KIF5C: variants seen among roughly 807,000 people sequenced by gnomAD.
The protein encoded by KIF5C is kinesin family member 5C, also known as kinesin heavy chain isoform 5C.
A neutral mutation model predicts 125.2 loss-of-function variants in KIF5C; 18 were observed. The observed-to-expected ratio is 0.14, with a 90% CI of 0.10 to 0.21. The LOEUF (loss-of-function observed/expected upper bound fraction) is 0.21. Ranked by LOEUF, KIF5C falls within the 10% of genes least tolerant of loss-of-function variation. The pLI is 1.00. For missense variants in KIF5C, 780 were observed against 1,183.8 expected (o/e 0.66, Z 5.01); for synonymous variants, 405 against 434.0 (o/e 0.93, Z 0.83).
At chr2:148,935,556 T>C (rs181066371) in intron 3 of KIF5C, among the ~76,000 whole-genome samples, 13 of 152,320 alleles carry the variant, frequency 8.5e-5, no homozygotes, top group African/African-American at 2.9e-4. Context: ...TGTTACACAT[T>C]TATGATGGAA....
At chr2:148,961,001 G>A (rs936384689) in intron 10 of KIF5C, among the ~76,000 whole-genome samples, 2 of 152,086 alleles carry the variant, frequency 1.3e-5, no homozygotes, top group African/African-American at 4.8e-5. Flanking sequence ...GGTATCACTT[G>A]GTGCAGCTAC....
intron 17 of KIF5C, 59 bp downstream of exon 17, chr2:148,994,597 G>A: frequency 6.6e-7 from 1 of 1,524,346 alleles, no homozygotes; most frequent in Non-Finnish European, 8.8e-7. Flanking sequence ...ACAGCCTCTG[G>A]TTGGCTGGAA....
At chr2:148,966,955 C>G (rs1233188284) in intron 11 of KIF5C, among the ~76,000 whole-genome samples, 2 of 152,182 alleles carry the variant, frequency 1.3e-5, no homozygotes, top group Non-Finnish European at 2.9e-5. Context: ...GTAATAAATT[C>G]TTTATAAGCC....
intron 1 of KIF5C, among the ~76,000 whole-genome samples, chr2:148,902,960 A>G (rs1680962755): frequency 6.6e-6 from 1 of 152,074 alleles, no homozygotes; most frequent in African/African-American, 2.4e-5. Context: ...TCTAATTCCT[A>G]AATTCAACAT....
chr2:148,915,551 T>A (rs1285338844), intron 1 of KIF5C, among the ~76,000 whole-genome samples: 1 of 152,134 alleles, frequency 6.6e-6, no homozygotes, highest in Non-Finnish European at 1.5e-5. Context: ...AGGATTTCAA[T>A]TTCCACTCAA....
At chr2:149,002,590 A>T (rs1156332386) in intron 21 of KIF5C, among the ~76,000 whole-genome samples, 1 of 151,920 alleles carries the variant, frequency 6.6e-6, no homozygotes, top group African/African-American at 2.4e-5. Context: ...CATTCACACA[A>T]TCACTCTCGT....
At chr2:148,933,659 A>G (rs1249342037) in intron 3 of KIF5C, among the ~76,000 whole-genome samples, 2 of 151,696 alleles carry the variant, frequency 1.3e-5, no homozygotes, top group East Asian at 3.9e-4. Flanking sequence ...TTGTACACAC[A>G]CACAGACATA....
At chr2:148,922,336 C>A in intron 2 of KIF5C, 109 bp downstream of exon 2, 1 of 626,636 alleles carries the variant, frequency 1.6e-6, no homozygotes, top group Non-Finnish European at 2.7e-6. Flanking sequence ...CAGAGGCCTG[C>A]TAATTGGAAA....
chr2:148,984,230 A>G (rs1681315730), intron 15 of KIF5C, among the ~76,000 whole-genome samples: 3 of 152,246 alleles, frequency 2.0e-5, no homozygotes, highest in South Asian at 4.1e-4. Context: ...ATTATTCACA[A>G]TATGAGAAGT....
chr2:149,025,328 TTCTAA>T lies in KIF5C; in HGVS notation c.*2265_*2269del, dbSNP rs1682658185. 6.5e-6 allele frequency: 1 copy of T among 152,684 alleles called. No individual in the cohort carries two copies. The highest frequency in any genetic ancestry group is 1.5e-5 in the Non-Finnish European group (1 of 68,034). The allele number at this position is 152,684 out of a possible 1,614,324, so 9.5% of individuals were successfully genotyped here. On this transcript the variant is annotated 3_prime_UTR_variant, in exon 26 of 26. Transcript: ENST00000435030. ...CACCTAGCTTCAATCTTTATAGGAC[TTCTAA>T]TCTAATTTTCCTATAGTGTGACTAA... is the stretch of plus-strand genomic sequence containing the variant.
chr2:149,010,363 C>T lies in KIF5C; in HGVS notation c.2767+12C>T, dbSNP rs1682151902. 6.5e-7 allele frequency: 1 copy of T among 1,539,214 alleles called. No individual in the cohort carries two copies. The highest frequency in any genetic ancestry group is 2.4e-5 in the East Asian group (1 of 41,514). On this transcript the variant is annotated intron_variant, in intron 24 of 25. Coordinates refer to ENST00000435030, the MANE Select transcript of KIF5C (RefSeq NM_004522.3). ...TTCAGCCCAGATCGGTACGTGCGTG[C>T]ACAGTGGCGCCCGGGGTTTGAGAAG...
intron 14 of KIF5C, among the ~76,000 whole-genome samples, chr2:148,982,137 G>A (rs924604356): frequency 2.0e-5 from 3 of 152,070 alleles, no homozygotes; most frequent in Non-Finnish European, 4.4e-5. Flanking sequence ...ATTCCCTCCC[G>A]TCAGCTTTTT....
At chr2:148,895,908 T>G (rs1405467525) in intron 1 of KIF5C, among the ~76,000 whole-genome samples, 1 of 151,926 alleles carries the variant, frequency 6.6e-6, no homozygotes, top group Admixed American at 6.6e-5. Flanking sequence ...CCTCTTCTTA[T>G]AAGGACATAT....
At chr2:149,000,931 T>G in intron 21 of KIF5C, 149 bp downstream of exon 21, 2 of 1,412,860 alleles carry the variant, frequency 1.4e-6, no homozygotes, top group Non-Finnish European at 1.9e-6. Flanking sequence ...TTTGTAGAAT[T>G]TAGTCCTCAA....
intron 11 of KIF5C, among the ~76,000 whole-genome samples, chr2:148,965,210 G>A (rs539950880): frequency 4.7e-4 from 71 of 151,548 alleles, no homozygotes; most frequent in Non-Finnish European, 8.3e-4. Context: ...TAAGAAGTTA[G>A]GTCTGAGGGT....
intron 12 of KIF5C, among the ~76,000 whole-genome samples, chr2:148,976,160 A>T (rs1681058807): frequency 1.3e-5 from 2 of 152,300 alleles, no homozygotes; most frequent in Admixed American, 6.5e-5. Flanking sequence ...CAATAAAAAC[A>T]TTTTTATACT....
chr2:148,972,825 G>T (rs1467323687), intron 11 of KIF5C, among the ~76,000 whole-genome samples: 1 of 152,228 alleles, frequency 6.6e-6, no homozygotes, highest in African/African-American at 2.4e-5. Context: ...TCTGACCTCA[G>T]ATTTGGAGAT....
chr2:148,979,714 AAAAC>A (rs1681179315), intron 13 of KIF5C, among the ~76,000 whole-genome samples: 2 of 152,198 alleles, frequency 1.3e-5, no homozygotes, highest in Non-Finnish European at 2.9e-5. Flanking sequence ...TACACAAACA[AAAAC>A]AAAACTAGAA....
At chr2:148,931,148 A>AAAC (rs533357706) in intron 3 of KIF5C, among the ~76,000 whole-genome samples, 38 of 152,158 alleles carry the variant, frequency 2.5e-4, no homozygotes, top group East Asian at 5.8e-4. Context: ...ATATAATGCC[A>AAAC]AACAACAACA....
Sources: gnomAD v4.1 joint callset for allele counts (sites outside exome capture counted in the v4.1 genomes callset) on GRCh38, gnomAD v4.1.1 for gene constraint, MANE v1.5 for transcripts, NCBI Gene and HGNC (gene_info 2026-07-23, HGNC 2026-07-21) for gene names.